SLC35B4: variants seen among roughly 807,000 people sequenced by gnomAD.
The protein encoded by SLC35B4 is nucleotide sugar transporter SLC35B4.
A neutral mutation model predicts 39.5 loss-of-function variants in SLC35B4; 28 were observed. The observed-to-expected ratio is 0.71, with a 90% CI of 0.53 to 0.97. The LOEUF is 0.97. SLC35B4 is among the 50% of genes least tolerant of loss of function. The pLI, the probability that SLC35B4 is intolerant of heterozygous loss-of-function variation, is 0.00. For missense variants in SLC35B4, 334 were observed against 414.3 expected (o/e 0.81, Z 1.68); for synonymous variants, 145 against 150.4 (o/e 0.96, Z 0.26).
At chr7:134,300,297 T>A (rs1235520435) in intron 6 of SLC35B4, 36 bp from the exon 7 acceptor site, 2 of 1,439,352 alleles carry the variant, frequency 1.4e-6, no homozygotes, top group Non-Finnish European at 1.9e-6. Context: ...GATGTCTGCA[T>A]TTGTTCATTT....
rs1249845867 is a variant in SLC35B4, at chr7:134,292,762, G to C, written c.*2071C>G. The stretch of plus-strand genomic sequence containing the variant: ...TATTTCTAGCACCGTCAATTCTGAG[G>C]AACTCTACATATTTCAAAGCAAGTG... On this transcript the variant is annotated 3_prime_UTR_variant, in exon 10 of 10. Coordinates refer to ENST00000378509, the MANE Select transcript of SLC35B4 (RefSeq NM_032826.5). The C allele has an allele frequency of 6.6e-6, 1 of 152,086 alleles. No individual in the cohort carries two copies. Among genetic ancestry groups the C allele is most frequent in the Non-Finnish European group, 1.5e-5 (1 of 68,012 alleles). The allele number at this position is 152,086 out of a possible 1,614,324, so 9.4% of individuals were successfully genotyped here.
rs906867768 is a variant in SLC35B4, at chr7:134,289,643, T to G, written c.*5190A>C. 2.0e-5 allele frequency: 3 copies of G among 152,582 alleles called. No individual in the cohort carries two copies. The highest frequency in any genetic ancestry group is 1.9e-4 in the East Asian group (1 of 5,190). 9.5% of individuals were successfully genotyped at this position (152,582 alleles called of 1,614,324 possible). ...AAAATCATCATCTTTTTTTGGAGAA[T>G]GAGGCCATTCTCTGGAATGAAAGCA... On this transcript the variant is annotated 3_prime_UTR_variant, in exon 10 of 10. Coordinates refer to ENST00000378509, the MANE Select transcript of SLC35B4 (RefSeq NM_032826.5).
At chr7:134,301,522 A>G (rs1424685533) in intron 6 of SLC35B4, among the ~76,000 whole-genome samples, 1 of 152,208 alleles carries the variant, frequency 6.6e-6, no homozygotes, top group East Asian at 1.9e-4. Context: ...TTTCTACACC[A>G]GTGGCAACCA....
intron 2 of SLC35B4, among the ~76,000 whole-genome samples, chr7:134,308,213 AG>A (rs1011398317): frequency 7.9e-5 from 12 of 152,296 alleles, no homozygotes; most frequent in African/African-American, 2.9e-4. Context: ...GTAACCACAG[AG>A]TGGGGCGACA....
Position 134,303,467 on chromosome 7 carries a change from A to G in SLC35B4, c.344+1338T>C, listed in dbSNP as rs1365958338. ...TGTAATAAACCTGACCATCATATGT[A>G]TATATATATATATGTTTAAATGCAG... On this transcript the variant is annotated intron_variant, in intron 4 of 9. Coordinates refer to ENST00000378509, the MANE Select transcript of SLC35B4 (RefSeq NM_032826.5). Among the ~76,000 whole-genome samples the G allele has an allele frequency of 1.3e-4, 5 of 38,170 alleles. No homozygotes were observed. The South Asian group carries it at 3.7e-3, about 28-fold the overall frequency. The allele number at this position is 38,170 out of a possible 152,430, so 25.0% of individuals were successfully genotyped here.
chr7:134,293,357 T>A lies in SLC35B4; in HGVS notation c.*1476A>T, dbSNP rs1328622640. On this transcript the variant is annotated 3_prime_UTR_variant, in exon 10 of 10. Transcript: ENST00000378509. ...ACGCATATTACAGCAACAGCGTTCCTCCTATTCAAGATTGTCCAGTGAAAG... is the reference window on the plus strand; with the variant it reads ...ACGCATATTACAGCAACAGCGTTCCACCTATTCAAGATTGTCCAGTGAAAG... The A allele has an allele frequency of 6.6e-6, 1 of 152,186 alleles. No individual in the cohort carries two copies. The highest frequency in any genetic ancestry group is 1.5e-5 in the Non-Finnish European group (1 of 68,036). The allele number at this position is 152,186 out of a possible 1,614,324, so 9.4% of individuals were successfully genotyped here.
At chr7:134,311,048 A>C (rs1016455774) in intron 1 of SLC35B4, among the ~76,000 whole-genome samples, 2 of 152,272 alleles carry the variant, frequency 1.3e-5, no homozygotes, top group Admixed American at 6.5e-5. Flanking sequence ...GGCATGAGCC[A>C]TTCTTCTACA....
chr7:134,315,660 CAAA>C (rs1162597378), intron 1 of SLC35B4, among the ~76,000 whole-genome samples: 1 of 141,600 alleles, frequency 7.1e-6, no homozygotes, highest in South Asian at 2.3e-4. Context: ...AAACAAAAAA[CAAA>C]AAACACCAAA....
chr7:134,291,272 A>G lies in SLC35B4; in HGVS notation c.*3561T>C, dbSNP rs553228632. On this transcript the variant is annotated 3_prime_UTR_variant, in exon 10 of 10. Transcript: ENST00000378509. ...ACACATTCTGCCAGATATTCTCACT[A>G]TTATGAATGTACCCCCCAATATCAA... The G allele has an allele frequency of 6.6e-6, 1 of 152,014 alleles. No homozygotes were observed. The highest frequency in any genetic ancestry group is 6.5e-5 in the Admixed American group (1 of 15,272). The allele number at this position is 152,014 out of a possible 1,614,324, so 9.4% of individuals were successfully genotyped here.
intron 3 of SLC35B4, among the ~76,000 whole-genome samples, chr7:134,306,117 A>G (rs1803704407): frequency 6.6e-6 from 1 of 152,220 alleles, no homozygotes; most frequent in Non-Finnish European, 1.5e-5. Flanking sequence ...AACTCCCTTC[A>G]GGAACAGTAC....
chr7:134,316,132 A>C (rs1803968731), intron 1 of SLC35B4, among the ~76,000 whole-genome samples: 1 of 152,184 alleles, frequency 6.6e-6, no homozygotes, highest in South Asian at 2.1e-4. Context: ...AAGGCCAATA[A>C]AGCAAATGCT....
chr7:134,317,763 A>G (rs1416393803), upstream of SLC35B4, among the ~76,000 whole-genome samples: 1 of 148,850 alleles, frequency 6.7e-6, no homozygotes, highest in African/African-American at 2.6e-5. Context: ...TCAATGAACA[A>G]ATGTTTGTTA....
At chr7:134,298,106 T>G (rs928601438) in intron 8 of SLC35B4, among the ~76,000 whole-genome samples, 1 of 152,224 alleles carries the variant, frequency 6.6e-6, no homozygotes, top group Non-Finnish European at 1.5e-5. Flanking sequence ...AATATTAATT[T>G]TCTTTCACGA....
intron 8 of SLC35B4, among the ~76,000 whole-genome samples, chr7:134,298,154 T>TA (rs935738884): frequency 2.6e-5 from 4 of 152,202 alleles, no homozygotes; most frequent in Admixed American, 1.3e-4. Flanking sequence ...CGCATACACA[T>TA]AAAGACTAAT....
At chr7:134,316,654 C>A in intron 1 of SLC35B4, 21 bp downstream of exon 1, 1 of 1,548,198 alleles carries the variant, frequency 6.5e-7, no homozygotes, top group Non-Finnish European at 8.7e-7. Context: ...AGACCGGGTG[C>A]GGCCCGAGCG....
At chr7:134,307,039 ATTGT>A (rs1367888642) in intron 2 of SLC35B4, among the ~76,000 whole-genome samples, 7 of 152,212 alleles carry the variant, frequency 4.6e-5, no homozygotes, top group Admixed American at 4.6e-4. Context: ...ACTTAAAATG[ATTGT>A]ATTGATTCTT....
upstream of SLC35B4, among the ~76,000 whole-genome samples, chr7:134,319,274 C>A (rs1037817620): frequency 6.6e-6 from 1 of 152,168 alleles, no homozygotes; most frequent in African/African-American, 2.4e-5. Flanking sequence ...TAAAAGCAGT[C>A]CTGTTGAGAG....
At chr7:134,317,795 C>A (rs1804024869), upstream of SLC35B4, among the ~76,000 whole-genome samples, 1 of 148,616 alleles carries the variant, frequency 6.7e-6, no homozygotes, top group South Asian at 2.1e-4. Context: ...CGTACATAAG[C>A]TAGTGCGGCA....
At chr7:134,309,500 G>A (rs770094893) in intron 1 of SLC35B4, 21 bp from the exon 2 acceptor site, 2 of 1,558,316 alleles carry the variant, frequency 1.3e-6, no homozygotes, top group East Asian at 4.5e-5. Flanking sequence ...AATAATAAAA[G>A]AGGGGGTGAA....
Sources: allele counts gnomAD v4.1 joint callset (sites outside exome capture counted in the v4.1 genomes callset), GRCh38; gene constraint gnomAD v4.1.1; transcripts MANE v1.5; gene names NCBI Gene and HGNC (gene_info 2026-07-23, HGNC 2026-07-21).